Variants in ITSN2 observed in about 807,000 individuals in gnomAD.
ITSN2 encodes the protein intersectin 2.
ITSN2 carries 156 observed loss-of-function variants against 243.7 expected under a neutral mutation model. The observed-to-expected ratio is 0.64, with a 90% confidence interval of 0.56 to 0.73. The LOEUF (loss-of-function observed/expected upper bound fraction) is 0.73. ITSN2 is among the 30% of genes least tolerant of loss of function. The probability of loss-of-function intolerance (pLI) is 0.00; values close to 1 mark genes in which losing one functional copy is unlikely to be tolerated. For synonymous variants in ITSN2, 703 were observed against 699.9 expected (o/e 1.00, Z -0.07); for missense variants, 1,801 against 1,996.1 (o/e 0.90, Z 1.86).
chr2:24,292,457 A>G (rs1345060871), intron 15 of ITSN2, among the ~76,000 whole-genome samples: 1 of 152,202 alleles, frequency 6.6e-6, no homozygotes, highest in African/African-American at 2.4e-5. Context: ...AGAACCAAGT[A>G]TAAGGAACAC....
chr2:24,208,442 AAAGAC>A, intron 36 of ITSN2, 123 bp from the exon 37 acceptor site: 1 of 724,322 alleles, frequency 1.4e-6, no homozygotes, highest in Non-Finnish European at 2.4e-6. Context: ...GTTTCCTATC[AAAGAC>A]CTGATATTAG....
intron 20 of ITSN2, among the ~76,000 whole-genome samples, chr2:24,268,538 T>C (rs1347247224): frequency 6.6e-6 from 1 of 152,224 alleles, no homozygotes; most frequent in South Asian, 2.1e-4. Flanking sequence ...CTGTACGTTC[T>C]ACACACTGAT....
chr2:24,298,893 AAGTC>A, intron 12 of ITSN2, 79 bp from the exon 13 acceptor site: 2 of 1,384,472 alleles, frequency 1.4e-6, no homozygotes, highest in South Asian at 1.4e-5. Flanking sequence ...ACAACAATAA[AAGTC>A]AGGCAGAGTT....
chr2:24,308,404 T>C (rs1056109294), intron 8 of ITSN2, among the ~76,000 whole-genome samples: 3 of 152,228 alleles, frequency 2.0e-5, no homozygotes, highest in African/African-American at 7.2e-5. Context: ...GTGCCCGACT[T>C]GACAGTAAGA....
chr2:24,298,677 C>G lies in ITSN2; in HGVS notation c.1482G>C (p.Glu494Asp). ...ACTTCAGCCATACCAGTGCTTCCAA[C>G]TCAAGATGAAGATTCTTCTTTTTAG... is the stretch of plus-strand genomic sequence containing the variant. ...LNSKKKNLHLELEALNGKHQQ... is the reference protein window; with the variant it reads ...LNSKKKNLHLDLEALNGKHQQ... Residue 494 changes from glutamate (E) to aspartate (D), a missense_variant, in exon 13 of 40, where the codon GAG (glutamate) becomes GAC (aspartate). Glu to Asp is a conservative substitution (Grantham distance 45, BLOSUM62 2). This residue lies in a region of ITSN2 where 787 missense variants were observed against 803.9 expected (regional missense o/e 0.98). Coordinates refer to ENST00000355123, the MANE Select transcript of ITSN2 (RefSeq NM_006277.3). 1 of 1,600,886 alleles carries G rather than the reference C, an allele frequency of 6.2e-7. No homozygotes were observed. Among genetic ancestry groups the G allele is most frequent in the South Asian group, 1.1e-5 (1 of 87,546 alleles).
chr2:24,339,502 G>A (rs2151899499), intron 1 of ITSN2, among the ~76,000 whole-genome samples: 1 of 151,020 alleles, frequency 6.6e-6, no homozygotes, highest in South Asian at 2.1e-4. Context: ...TAAACCTTTA[G>A]AAACCCAGTA....
chr2:24,271,715 T>C (rs1453335983), intron 19 of ITSN2, 51 bp downstream of exon 19: 2 of 1,460,354 alleles, frequency 1.4e-6, no homozygotes, highest in Non-Finnish European at 1.8e-6. Flanking sequence ...TATCAGGTCA[T>C]TTTTTTCTTG....
In ITSN2 at chr2:24,301,051, C is replaced by T. The variant is rs150105726; in HGVS notation, c.1081+103G>A. On this transcript the variant is annotated intron_variant, in intron 11 of 39. Coordinates refer to ENST00000355123, the MANE Select transcript of ITSN2 (RefSeq NM_006277.3). ...TCAAATAGTTTTTTCTCATATAGCACATCAAATATTAAAAATATAAAAATT... is the reference window on the plus strand; with the variant it reads ...TCAAATAGTTTTTTCTCATATAGCATATCAAATATTAAAAATATAAAAATT... 6 of 623,590 alleles carry T rather than the reference C, an allele frequency of 9.6e-6. No homozygotes were observed. The East Asian group carries it at 1.4e-4, about 15-fold the overall frequency. 38.6% of individuals were successfully genotyped at this position (623,590 alleles called of 1,614,324 possible).
intron 25 of ITSN2, 112 bp downstream of exon 25, chr2:24,252,233 C>A (rs1055775362): frequency 1.3e-5 from 10 of 785,868 alleles, no homozygotes; most frequent in Non-Finnish European, 1.8e-5. Flanking sequence ...TAAACATGAT[C>A]TCTAAGTATA....
At chr2:24,216,708 G>A (rs866564775) in intron 31 of ITSN2, among the ~76,000 whole-genome samples, 1 of 152,038 alleles carries the variant, frequency 6.6e-6, no homozygotes, top group African/African-American at 2.4e-5. Flanking sequence ...AGTGAGCTAC[G>A]ATCACACCAC....
In ITSN2 at chr2:24,285,103, C is replaced by G. The variant is rs1027645746; in HGVS notation, c.1864-260G>C. On this transcript the variant is annotated intron_variant, in intron 16 of 39. Coordinates refer to ENST00000355123, the MANE Select transcript of ITSN2 (RefSeq NM_006277.3). ...GTAGAGATGGGGTTTCACCATGTTGCCCAGGCTGGTCTCGATCTCTTGACC... is the reference window on the plus strand; with the variant it reads ...GTAGAGATGGGGTTTCACCATGTTGGCCAGGCTGGTCTCGATCTCTTGACC... Among the ~76,000 whole-genome samples the G allele has an allele frequency of 5.0e-4, 76 of 151,830 alleles. 1 individual carries two copies. The highest frequency in any genetic ancestry group is 1.7e-3 in the African/African-American group (71 of 41,434).
intron 15 of ITSN2, chr2:24,293,451 A>C (rs2151612057): frequency 3.7e-6 from 1 of 273,422 alleles, no homozygotes; most frequent in African/African-American, 2.2e-5. Context: ...ACATAAAAAT[A>C]TCATCAAGAT....
intron 22 of ITSN2, 28 bp from the exon 23 acceptor site, chr2:24,258,121 T>C (rs1675304166): frequency 6.5e-7 from 1 of 1,527,238 alleles, no homozygotes; most frequent in African/African-American, 1.4e-5. Flanking sequence ...CCAAAAATTT[T>C]TAAAAGGCAA....
At chr2:24,312,669 T>C (rs1294657522) in intron 4 of ITSN2, among the ~76,000 whole-genome samples, 1 of 152,164 alleles carries the variant, frequency 6.6e-6, no homozygotes, top group Non-Finnish European at 1.5e-5. Flanking sequence ...ATTATAATAC[T>C]TCTAAATTTA....
chr2:24,349,137 C>T (rs1687818917), intron 1 of ITSN2, among the ~76,000 whole-genome samples: 1 of 152,050 alleles, frequency 6.6e-6, no homozygotes, highest in Non-Finnish European at 1.5e-5. Context: ...TCATCATTAT[C>T]ATCATCATCA....
rs115599834 is a variant in ITSN2 at position 24,229,017 on chromosome 2, G to A, written c.3578-7951C>T. Among the ~76,000 whole-genome samples, 1,442 of 150,346 alleles carry A rather than the reference G, an allele frequency of 9.6e-3. 8 individuals are homozygous for A. The highest frequency in any genetic ancestry group is 0.014 in the Non-Finnish European group (938 of 67,600). On this transcript the variant is annotated intron_variant, in intron 29 of 39. Coordinates refer to ENST00000355123, the MANE Select transcript of ITSN2 (RefSeq NM_006277.3). Reference sequence around the variant, plus strand: ...ATGAGATGGTAGAAACATTCACCAGGAAGAAGAATAATTCTGATCTTATTT... The same window carrying A: ...ATGAGATGGTAGAAACATTCACCAGAAAGAAGAATAATTCTGATCTTATTT...
In ITSN2 at chr2:24,308,679, G is replaced by A; in HGVS notation, c.731C>T (p.Thr244Ile). ...GTSEWAVPQP[T>I]RLKYRQKFNT... Reference sequence around the variant, plus strand: ...AAATTTTTGCCGATATTTTAATCTTGTAGGCTGAGGAACTGCCCACTCTGA... The same window carrying A: ...AAATTTTTGCCGATATTTTAATCTTATAGGCTGAGGAACTGCCCACTCTGA... The change falls in exon 8 of 40, where the codon ACA becomes ATA. Residue 244 changes from threonine to isoleucine, a missense_variant. Around this residue, in one of 5 missense-constraint regions of ITSN2, gnomAD observed 787 missense variants for 803.9 expected, o/e 0.98. Transcript: ENST00000355123. The A allele has an allele frequency of 6.5e-7, 1 of 1,533,810 alleles. No individual in the cohort carries two copies. The highest frequency in any genetic ancestry group is 8.8e-7 in the Non-Finnish European group (1 of 1,133,408).
At chr2:24,350,636 C>T (rs1687936897) in intron 1 of ITSN2, among the ~76,000 whole-genome samples, 1 of 152,090 alleles carries the variant, frequency 6.6e-6, no homozygotes, top group African/African-American at 2.4e-5. Flanking sequence ...GTGGTATATC[C>T]ATATAATCCA....
intron 14 of ITSN2, among the ~76,000 whole-genome samples, chr2:24,295,074 T>G (rs186675689): frequency 6.6e-6 from 1 of 152,334 alleles, no homozygotes; most frequent in Admixed American, 6.5e-5. Flanking sequence ...TCGTTTGTTA[T>G]AGCAAGTAAT....
Sources: allele counts gnomAD v4.1 joint callset (sites outside exome capture counted in the v4.1 genomes callset), GRCh38; gene constraint gnomAD v4.1.1; regional missense constraint gnomAD v4.1.1; transcripts MANE v1.5; gene names NCBI Gene and HGNC (gene_info 2026-07-23, HGNC 2026-07-21).